The following XIAP variants were observed in gnomAD, a reference collection of about 807,000 sequenced individuals.
XIAP encodes E3 ubiquitin-protein ligase XIAP.
Under a neutral mutation model 33.1 loss-of-function variants are expected in XIAP, and 3 were observed. That is an observed-to-expected ratio of 0.09 (90% confidence interval 0.04 to 0.23). The LOEUF (loss-of-function observed/expected upper bound fraction) is 0.23. Ranked by LOEUF, XIAP falls within the 10% of genes least tolerant of loss-of-function variation. The probability of loss-of-function intolerance (pLI) is 1.00; values close to 1 mark genes in which losing one functional copy is unlikely to be tolerated. For synonymous variants in XIAP, 98 were observed against 121.3 expected (o/e 0.81, Z 1.26); for missense variants, 264 against 363.0 (o/e 0.73, Z 2.22).
intron 1 of XIAP, among the ~76,000 whole-genome samples, chrX:123,884,018 A>C (rs1214832597): frequency 8.9e-6 from 1 of 112,256 alleles, no homozygotes; most frequent in African/African-American, 3.2e-5. Context: ...TTATGCAGAT[A>C]TAACTCAGCT....
chrX:123,862,288 C>T (rs1269019272), intron 1 of XIAP, among the ~76,000 whole-genome samples: 2 of 108,537 alleles, frequency 1.8e-5, no homozygotes, highest in Non-Finnish European at 3.8e-5. Flanking sequence ...AGGCTGATCT[C>T]GAACTCCTGA....
At chrX:123,880,468 G>C (rs1255716364) in intron 1 of XIAP, among the ~76,000 whole-genome samples, 1 of 107,007 alleles carries the variant, frequency 9.3e-6, no homozygotes, top group Non-Finnish European at 1.9e-5. Flanking sequence ...CTGGCACAGT[G>C]GTTCACACCT....
chrX:123,905,280 T>C (rs771108135), intron 6 of XIAP, among the ~76,000 whole-genome samples: 172 of 111,710 alleles, frequency 1.5e-3, no homozygotes, highest in African/African-American at 5.3e-3. Context: ...TCTCATGCTA[T>C]TTTCTCAAAT....
chrX:123,899,990 T>C (rs752193895), intron 5 of XIAP, among the ~76,000 whole-genome samples: 4 of 111,867 alleles, frequency 3.6e-5, no homozygotes, highest in African/African-American at 9.7e-5. Context: ...CAAGTTTCCA[T>C]TGACTTTCTT....
chrX:123,912,836 A>G lies in XIAP; in HGVS notation c.*5655A>G, dbSNP rs1350924090. The G allele has an allele frequency of 3.1e-6, 1 of 323,183 alleles. No homozygotes were observed. Among genetic ancestry groups the G allele is most frequent in the East Asian group, 9.8e-5 (1 of 10,220 alleles). 26.6% of individuals were successfully genotyped at this position (323,183 alleles called of 1,213,427 possible). ...CCCAGTTAATTTTTTTTGTATTCTT[A>G]GTAGAGACAGGGTTTCACCATGTTG... On this transcript the variant is annotated 3_prime_UTR_variant, in exon 7 of 7. Coordinates refer to ENST00000371199, the MANE Select transcript of XIAP (RefSeq NM_001167.4).
At chrX:123,897,628 T>A (rs1199137986) in intron 5 of XIAP, among the ~76,000 whole-genome samples, 1 of 110,748 alleles carries the variant, frequency 9.0e-6, no homozygotes, top group Non-Finnish European at 1.9e-5. Context: ...AGTAGTGCGA[T>A]CTTGGCTCAC....
intron 3 of XIAP, among the ~76,000 whole-genome samples, chrX:123,889,091 A>ATT (rs34602221): frequency 2.8e-4 from 19 of 68,910 alleles, no homozygotes; most frequent in Middle Eastern, 9.7e-3. Flanking sequence ...TGCCTGGCTA[A>ATT]TTTTTTTTTT....
chrX:123,871,825 G>T (rs976868475), intron 1 of XIAP, among the ~76,000 whole-genome samples: 1 of 110,922 alleles, frequency 9.0e-6, no homozygotes, highest in Non-Finnish European at 1.9e-5. Flanking sequence ...AATAATGGCC[G>T]GGTGCGGTGG....
At chrX:123,901,934 GCGATT>G (rs1054159376) in intron 6 of XIAP, among the ~76,000 whole-genome samples, 3 of 111,301 alleles carry the variant, frequency 2.7e-5, no homozygotes, top group African/African-American at 9.8e-5. Flanking sequence ...CCCAGCTCAA[GCGATT>G]CTCCTGCCTC....
In XIAP at chrX:123,909,974, A is replaced by G. The variant is rs2148114438; in HGVS notation, c.*2793A>G. The G allele has an allele frequency of 3.0e-6, 1 of 328,111 alleles. No individual in the cohort carries two copies. Among genetic ancestry groups the G allele is most frequent in the East Asian group, 9.7e-5 (1 of 10,266 alleles). 27.0% of individuals were successfully genotyped at this position (328,111 alleles called of 1,213,427 possible). On this transcript the variant is annotated 3_prime_UTR_variant, in exon 7 of 7. Transcript: ENST00000371199. ...ATATCCAAATCTTTTCCCCCTCCCA[A>G]GAGTTCTCAGTGTCTACATGTAGAC...
intron 2 of XIAP, among the ~76,000 whole-genome samples, chrX:123,888,378 T>C (rs1453445496): frequency 8.9e-6 from 1 of 112,369 alleles, no homozygotes; most frequent in Non-Finnish European, 1.9e-5. Context: ...AACATAAAAC[T>C]TGGGCAGTTT....
chrX:123,862,331 A>G (rs2053088185), intron 1 of XIAP, among the ~76,000 whole-genome samples: 1 of 106,677 alleles, frequency 9.4e-6, no homozygotes, highest in Non-Finnish European at 1.9e-5. Flanking sequence ...GGCCTCCCAA[A>G]GTGCTGGGAT....
chrX:123,890,206 C>CG (rs369064387), intron 3 of XIAP, among the ~76,000 whole-genome samples: 9 of 101,064 alleles, frequency 8.9e-5, no homozygotes, highest in African/African-American at 2.9e-4. Flanking sequence ...TTACTAGAGA[C>CG]GGGGTTTCAC....
intron 1 of XIAP, among the ~76,000 whole-genome samples, chrX:123,861,587 A>C (rs1345732560): frequency 1.8e-5 from 2 of 111,855 alleles, no homozygotes; most frequent in Non-Finnish European, 3.8e-5. Context: ...GAGATAGAAG[A>C]CTTTTTACTT....
At chrX:123,876,412 G>T (rs1240461401) in intron 1 of XIAP, among the ~76,000 whole-genome samples, 2 of 111,187 alleles carry the variant, frequency 1.8e-5, no homozygotes, top group Non-Finnish European at 3.8e-5. Flanking sequence ...GTTCATAATA[G>T]TAAAAAACTA....
chrX:123,886,854 A>C (rs1249200734), intron 2 of XIAP, among the ~76,000 whole-genome samples: 1 of 111,846 alleles, frequency 8.9e-6, no homozygotes, highest in African/African-American at 3.2e-5. Context: ...ACCATCATTT[A>C]TTGAGCACTT....
rs191339514 is a variant in XIAP, at chrX:123,899,836, A to G, written c.1100-657A>G. Among the ~76,000 whole-genome samples, 4 of 110,535 alleles carry G rather than the reference A, an allele frequency of 3.6e-5. No individual in the cohort carries two copies. In the East Asian group the frequency reaches 8.5e-4, roughly 23 times the overall value. On this transcript the variant is annotated intron_variant, in intron 5 of 6. Coordinates refer to ENST00000371199, the MANE Select transcript of XIAP (RefSeq NM_001167.4). ...TGGGGCTATTATAAATAACACTACTATGAATACTCTTGTGCATATCTTTGG... is the reference window on the plus strand; with the variant it reads ...TGGGGCTATTATAAATAACACTACTGTGAATACTCTTGTGCATATCTTTGG...
At chrX:123,871,234 C>T (rs2053190698) in intron 1 of XIAP, among the ~76,000 whole-genome samples, 1 of 109,505 alleles carries the variant, frequency 9.1e-6, no homozygotes, top group African/African-American at 3.3e-5. Flanking sequence ...AGCCACCACA[C>T]CTGGCCATGA....
intron 1 of XIAP, among the ~76,000 whole-genome samples, chrX:123,869,159 ATAT>A (rs1011717827): frequency 9.2e-6 from 1 of 109,022 alleles, no homozygotes; most frequent in Non-Finnish European, 1.9e-5. Context: ...TACTTATAAA[ATAT>A]TATGGTTTGA....
Sources: allele counts gnomAD v4.1 joint callset (sites outside exome capture counted in the v4.1 genomes callset), GRCh38; gene constraint gnomAD v4.1.1; transcripts MANE v1.5; gene names NCBI Gene and HGNC (gene_info 2026-07-23, HGNC 2026-07-21).